Variants in ACCSL observed in about 807,000 individuals in gnomAD.
The protein encoded by ACCSL is 1-aminocyclopropane-1-carboxylate synthase homolog (inactive) like.
A neutral mutation model predicts 61.7 loss-of-function variants in ACCSL; 55 were observed. That is an observed-to-expected ratio of 0.89 (90% CI 0.72 to 1.12). The LOEUF is 1.12. Among genes scored for constraint, ACCSL ranks in the 50% most tolerant of loss-of-function variants. ACCSL has a pLI of 0.00. For synonymous variants in ACCSL, 258 were observed against 264.3 expected, an observed-to-expected ratio of 0.98 and a Z score of 0.23; for missense variants, 632 against 698.0, an observed-to-expected ratio of 0.91 and a Z score of 1.07.
the ACCSL span, among the ~76,000 whole-genome samples, chr11:44,024,441 C>CTGTGTGTGTG: frequency 7.6e-6 from 1 of 132,098 alleles, no homozygotes; most frequent in South Asian, 2.7e-4. Context: ...CTCTCTCTCT[C>CTGTGTGTGTG]TGTGTGTGTG....
chr11:43,928,241 G>A, the ACCSL span, among the ~76,000 whole-genome samples: 1 of 152,132 alleles, frequency 6.6e-6, no homozygotes, highest in South Asian at 2.1e-4. Flanking sequence ...CTGGGAGAGA[G>A]ACTGCAGGAG....
chr11:44,051,643 T>C lies in ACCSL; in HGVS notation c.706-10T>C, dbSNP rs776109183. 6.8e-6 allele frequency: 11 copies of C among 1,614,050 alleles called. No homozygotes were observed. Among genetic ancestry groups the C allele is most frequent in the Non-Finnish European group, 8.5e-7 (1 of 1,180,032 alleles). On this transcript the variant is annotated splice_polypyrimidine_tract_variant and intron_variant, in intron 4 of 13. Coordinates refer to ENST00000378832, the MANE Select transcript of ACCSL (RefSeq NM_001031854.2). Reference sequence around the variant, plus strand: ...GGTTTTGACTTCTGCCTCTCATGTGTTGTCTTCAGGTGGTGGTTCTAAATG... The same window carrying C: ...GGTTTTGACTTCTGCCTCTCATGTGCTGTCTTCAGGTGGTGGTTCTAAATG...
chr11:43,989,896 G>A, the ACCSL span, among the ~76,000 whole-genome samples: 4 of 152,376 alleles, frequency 2.6e-5, no homozygotes, highest in East Asian at 3.9e-4. Flanking sequence ...GAACGCTGGC[G>A]GCCCCGCCAA....
At chr11:43,956,812 G>A in the ACCSL span, among the ~76,000 whole-genome samples, 1 of 152,164 alleles carries the variant, frequency 6.6e-6, no homozygotes, top group South Asian at 2.1e-4. Flanking sequence ...CAGCTTGAGG[G>A]CATGCCTGGG....
At chr11:44,059,135 G>A (rs1401944016) in intron 13 of ACCSL, among the ~76,000 whole-genome samples, 3 of 152,266 alleles carry the variant, frequency 2.0e-5, no homozygotes, top group Middle Eastern at 3.4e-3. Flanking sequence ...CCAGCTACTC[G>A]GGGGGCTGAG....
the ACCSL span, among the ~76,000 whole-genome samples, chr11:43,980,979 A>G: frequency 6.6e-6 from 1 of 152,212 alleles, no homozygotes; most frequent in African/African-American, 2.4e-5. Context: ...AAAGAACATC[A>G]TAGATGATTG....
the ACCSL span, among the ~76,000 whole-genome samples, chr11:44,024,956 TG>T: frequency 4.6e-5 from 7 of 152,356 alleles, no homozygotes; most frequent in East Asian, 1.3e-3. Flanking sequence ...TTTCCAATGA[TG>T]ATTTTGTCTT....
chr11:44,052,723 A>G lies in ACCSL; in HGVS notation c.834A>G (p.Ala278=), dbSNP rs1362393326. The change falls in exon 6 of 14, where the codon GCA becomes GCG. Residue 278 remains alanine, a synonymous_variant. Transcript: ENST00000378832. ...GGFAFSSRLY[A]KVELIPVHLE... ...TTGCCTTTAGCTCCCGCCTGTATGCAAAGGTTGAGTTGATTCCTGTCCACC... is the reference window on the plus strand; with the variant it reads ...TTGCCTTTAGCTCCCGCCTGTATGCGAAGGTTGAGTTGATTCCTGTCCACC... The G allele has an allele frequency of 6.2e-7, 1 of 1,614,090 alleles. No individual in the cohort carries two copies. Among genetic ancestry groups the G allele is most frequent in the South Asian group, 1.1e-5 (1 of 91,084 alleles).
the ACCSL span, among the ~76,000 whole-genome samples, chr11:43,966,053 T>C: frequency 2.6e-5 from 4 of 152,120 alleles, no homozygotes. Flanking sequence ...GATTTGTCAA[T>C]GGTTTCTTAG....
At chr11:43,949,819 A>C in the ACCSL span, among the ~76,000 whole-genome samples, 42 of 127,588 alleles carry the variant, frequency 3.3e-4, no homozygotes, top group Admixed American at 1.5e-3. Flanking sequence ...CATCTCAAAA[A>C]AAACAAACAA....
chr11:44,045,988 C>T (rs146149636), upstream of ACCSL, among the ~76,000 whole-genome samples: 62 of 152,250 alleles, frequency 4.1e-4, 1 homozygote, highest in East Asian at 9.1e-3. Context: ...ACTAGCACTC[C>T]GCAGGACCAA....
the ACCSL span, among the ~76,000 whole-genome samples, chr11:43,988,607 A>C: frequency 6.6e-6 from 1 of 151,810 alleles, no homozygotes; most frequent in Non-Finnish European, 1.5e-5. Flanking sequence ...TAGCGTGGTA[A>C]TAAGGAAAGT....
the ACCSL span, among the ~76,000 whole-genome samples, chr11:43,999,954 G>T: frequency 1.3e-5 from 2 of 152,254 alleles, no homozygotes; most frequent in Non-Finnish European, 2.9e-5. Context: ...CATTGTATTA[G>T]GTGTTATAAG....
chr11:44,035,544 A>G, the ACCSL span, among the ~76,000 whole-genome samples: 1 of 152,200 alleles, frequency 6.6e-6, no homozygotes, highest in Non-Finnish European at 1.5e-5. Flanking sequence ...TAAGGGAGAA[A>G]GAAGCAGAGT....
At chr11:44,043,033 T>C (rs570449172), upstream of ACCSL, among the ~76,000 whole-genome samples, 1 of 151,830 alleles carries the variant, frequency 6.6e-6, no homozygotes, top group Middle Eastern at 3.4e-3. Context: ...CATTGAGCTC[T>C]GATTGCACCA....
At chr11:44,037,867 C>CCGTG in the ACCSL span, among the ~76,000 whole-genome samples, 37,825 of 149,110 alleles carry the variant, frequency 0.25, 5,140 homozygotes, top group Admixed American at 0.34. Flanking sequence ...ATTCATCCAT[C>CCGTG]CATGCATCCA....
chr11:43,940,480 C>T, the ACCSL span, among the ~76,000 whole-genome samples: 39 of 151,792 alleles, frequency 2.6e-4, no homozygotes, highest in East Asian at 3.7e-3. Flanking sequence ...CTCAGCCTCT[C>T]GAGTAGCTGG....
chr11:44,046,277 A>G (rs1395009445), upstream of ACCSL, among the ~76,000 whole-genome samples: 1 of 152,180 alleles, frequency 6.6e-6, no homozygotes, highest in Non-Finnish European at 1.5e-5. Context: ...TTGCATTATG[A>G]TTAAAGGTTG....
the ACCSL span, among the ~76,000 whole-genome samples, chr11:43,933,977 C>G: frequency 6.6e-6 from 1 of 152,062 alleles, no homozygotes; most frequent in African/African-American, 2.4e-5. Context: ...TGAGCTCATC[C>G]CAGCATGAAT....
Sources: gnomAD v4.1 joint callset for allele counts (sites outside exome capture counted in the v4.1 genomes callset) on GRCh38, gnomAD v4.1.1 for gene constraint, MANE v1.5 for transcripts, NCBI Gene and HGNC (gene_info 2026-07-23, HGNC 2026-07-21) for gene names.